KCNIP1: variants seen among roughly 807,000 people sequenced by gnomAD.
KCNIP1 encodes A-type potassium channel modulatory protein KCNIP1.
KCNIP1 carries 18 observed loss-of-function variants against 33.0 expected under a neutral mutation model. The ratio of observed to expected loss-of-function variants is 0.55; its 90% confidence interval spans 0.38 to 0.81. The LOEUF is 0.81. Ranked by LOEUF, KCNIP1 falls within the 30% of genes least tolerant of loss-of-function variation. The probability of loss-of-function intolerance (pLI) is 0.00; values close to 1 mark genes in which losing one functional copy is unlikely to be tolerated. For synonymous variants in KCNIP1, 93 were observed against 98.3 expected (o/e 0.95, Z 0.32); for missense variants, 238 against 271.6 (o/e 0.88, Z 0.87).
chr5:170,686,261 A>G (rs1402218421), intron 1 of KCNIP1, among the ~76,000 whole-genome samples: 1 of 152,234 alleles, frequency 6.6e-6, no homozygotes, highest in Non-Finnish European at 1.5e-5. Flanking sequence ...GAGAGCACAC[A>G]TAAGATAGGA....
chr5:170,717,836 G>A (rs1581539187), intron 1 of KCNIP1, among the ~76,000 whole-genome samples: 1 of 152,290 alleles, frequency 6.6e-6, no homozygotes, highest in East Asian at 1.9e-4. Flanking sequence ...TTCAATAGAT[G>A]GATTTGGTAA....
At chr5:170,633,395 T>C (rs1384382731) in intron 1 of KCNIP1, among the ~76,000 whole-genome samples, 1 of 151,474 alleles carries the variant, frequency 6.6e-6, no homozygotes, top group Non-Finnish European at 1.5e-5. Context: ...TCAGGGGGCC[T>C]CACTGAGAAG....
intron 1 of KCNIP1, among the ~76,000 whole-genome samples, chr5:170,650,297 T>C (rs192422371): frequency 1.7e-3 from 254 of 152,128 alleles, no homozygotes; most frequent in African/African-American, 5.8e-3. Context: ...CCAAAGTTTC[T>C]TCATGTCCTT....
At chr5:170,572,844 C>G (rs1382254088) in intron 1 of KCNIP1, among the ~76,000 whole-genome samples, 4 of 152,212 alleles carry the variant, frequency 2.6e-5, no homozygotes, top group Admixed American at 2.6e-4. Flanking sequence ...TATCCAACAA[C>G]AATCATTTAG....
chr5:170,419,672 C>G (rs1755427799), intron 1 of KCNIP1, among the ~76,000 whole-genome samples: 2 of 152,098 alleles, frequency 1.3e-5, no homozygotes, highest in Non-Finnish European at 2.9e-5. Flanking sequence ...CTCATTTCAC[C>G]AGGGAAACTG....
intron 1 of KCNIP1, among the ~76,000 whole-genome samples, chr5:170,454,024 A>T (rs1756316079): frequency 6.6e-6 from 1 of 152,240 alleles, no homozygotes; most frequent in Non-Finnish European, 1.5e-5. Context: ...CTTCTGACCC[A>T]CAGAAACTGT....
At chr5:170,733,813 GT>G in intron 6 of KCNIP1, 22 bp from the exon 7 acceptor site, 1 of 1,598,214 alleles carries the variant, frequency 6.3e-7, no homozygotes, top group Non-Finnish European at 8.6e-7. Flanking sequence ...ATTCTGTAAA[GT>G]GCTTTCTGTT....
chr5:170,452,074 C>T (rs1050175740), intron 1 of KCNIP1, among the ~76,000 whole-genome samples: 2 of 152,098 alleles, frequency 1.3e-5, no homozygotes, highest in South Asian at 2.1e-4. Context: ...ATTCCTCAGG[C>T]CTGCTTCCCA....
Position 170,431,543 on chromosome 5 carries a change from G to A in KCNIP1, c.88+77579G>A, listed in dbSNP as rs368747372. ...TGAGAAATTTCCAGGAAATTACCTG[G>A]GTTCAATGGAGGAACTTAACACTTC... On this transcript the variant is annotated intron_variant, in intron 1 of 7. Transcript: ENST00000377360. Among the ~76,000 whole-genome samples the A allele has an allele frequency of 1.5e-4, 23 of 152,326 alleles. 1 individual carries two copies. In the South Asian group the frequency reaches 4.3e-3, roughly 29 times the overall value.
intron 1 of KCNIP1, among the ~76,000 whole-genome samples, chr5:170,440,273 T>C (rs1755958848): frequency 6.6e-6 from 1 of 152,164 alleles, no homozygotes; most frequent in Middle Eastern, 3.2e-3. Flanking sequence ...GCCCAGTCTG[T>C]GGCACCTTAT....
intron 1 of KCNIP1, among the ~76,000 whole-genome samples, chr5:170,406,847 G>A (rs62392748): frequency 0.036 from 5,556 of 152,306 alleles, 123 homozygotes; most frequent in Non-Finnish European, 0.056. Context: ...AGGAGGCAAG[G>A]CCATGGGCCC....
intron 1 of KCNIP1, among the ~76,000 whole-genome samples, chr5:170,685,169 C>T (rs80051585): frequency 6.8e-4 from 104 of 152,088 alleles, no homozygotes; most frequent in African/African-American, 2.5e-3. Context: ...TTTGTATGAT[C>T]AGCAAAAGGA....
chr5:170,711,270 G>A (rs1447821570), intron 1 of KCNIP1, among the ~76,000 whole-genome samples: 3 of 152,150 alleles, frequency 2.0e-5, no homozygotes, highest in Non-Finnish European at 4.4e-5. Context: ...ATGACTACTG[G>A]CATTTGAGTT....
chr5:170,482,444 A>G (rs1756998203), intron 1 of KCNIP1, among the ~76,000 whole-genome samples: 1 of 152,214 alleles, frequency 6.6e-6, no homozygotes, highest in South Asian at 2.1e-4. Flanking sequence ...CAGCTATTAT[A>G]TCATAAAACC....
chr5:170,445,129 A>C (rs1282525298), intron 1 of KCNIP1, among the ~76,000 whole-genome samples: 1 of 152,238 alleles, frequency 6.6e-6, no homozygotes, highest in East Asian at 1.9e-4. Flanking sequence ...CCTGGCCGTC[A>C]CTGGCCAGCT....
intron 1 of KCNIP1, among the ~76,000 whole-genome samples, chr5:170,661,598 G>A (rs4867625): frequency 0.27 from 41,448 of 151,866 alleles, 6,546 homozygotes; most frequent in African/African-American, 0.44. Context: ...TGCATTCTTG[G>A]CCCAGCAGAG....
intron 1 of KCNIP1, among the ~76,000 whole-genome samples, chr5:170,637,756 A>C (rs1760347756): frequency 6.6e-6 from 1 of 151,582 alleles, no homozygotes; most frequent in South Asian, 2.1e-4. Context: ...TACATAACAG[A>C]CTCTGTGGGG....
intron 1 of KCNIP1, among the ~76,000 whole-genome samples, chr5:170,462,621 C>T (rs1488398354): frequency 6.6e-6 from 1 of 152,164 alleles, no homozygotes; most frequent in African/African-American, 2.4e-5. Context: ...CCAGCAATCC[C>T]ACTACTGGGT....
intron 1 of KCNIP1, among the ~76,000 whole-genome samples, chr5:170,591,385 A>AACG (rs77316238): frequency 2.0e-5 from 3 of 152,164 alleles, no homozygotes; most frequent in African/African-American, 7.2e-5. Flanking sequence ...AGGGGAAAGA[A>AACG]AGGAGAGTGA....
Sources: gnomAD v4.1 joint callset for allele counts (sites outside exome capture counted in the v4.1 genomes callset) on GRCh38, gnomAD v4.1.1 for gene constraint, MANE v1.5 for transcripts, NCBI Gene and HGNC (gene_info 2026-07-23, HGNC 2026-07-21) for gene names.